The following SWAP70 variants were observed in gnomAD, a reference collection of about 807,000 sequenced individuals.
The protein encoded by SWAP70 is switching B cell complex subunit SWAP70.
Under a neutral mutation model 80.2 loss-of-function variants are expected in SWAP70, and 34 were observed. That is an observed-to-expected ratio of 0.42 (90% confidence interval 0.32 to 0.56). The LOEUF (loss-of-function observed/expected upper bound fraction) is 0.56, where lower values mean the gene tolerates loss of function less well. Among genes scored for constraint, SWAP70 ranks in the 20% least tolerant of loss-of-function variants. The pLI, the probability that SWAP70 is intolerant of heterozygous loss-of-function variation, is 0.09. For synonymous variants in SWAP70, 239 were observed against 238.5 expected (o/e 1.00, Z -0.02); for missense variants, 578 against 690.7 (o/e 0.84, Z 1.83).
rs377411928 is a variant in SWAP70, at chr11:9,724,701, G to A, written c.458G>A (p.Gly153Asp). 1.1e-5 allele frequency: 18 copies of A among 1,613,962 alleles called. No homozygotes were observed. The highest frequency in any genetic ancestry group is 6.7e-5 in the Admixed American group (4 of 60,006). The change falls in exon 4 of 12, where the codon GGT (glycine) becomes GAT (aspartate). Residue 153 changes from glycine to aspartate, a missense_variant. By Grantham distance (94) the Gly-to-Asp change is moderately conservative. Transcript: ENST00000318950. ...AAGCTTACAGAAGCTATGGGAGGAG[G>A]TTGGCAGCAAGAACAATTTGAACAT... ...LKKLTEAMGG[G>D]WQQEQFEHYK...
intron 2 of SWAP70, 135 bp downstream of exon 2, chr11:9,694,421 A>G: frequency 2.9e-6 from 3 of 1,050,400 alleles, no homozygotes; most frequent in South Asian, 2.1e-5. Flanking sequence ...AAAGGAAGAA[A>G]GAATGAGAGA....
rs868667935 is a variant in SWAP70, at chr11:9,706,284, T to C, written c.241-7182T>C. On this transcript the variant is annotated intron_variant, in intron 2 of 11. Transcript: ENST00000318950. ...TCTGTATACACTGGTGATCTGTGTA[T>C]ACTTGGTGATCTGTATACACTGGTG... is the stretch of plus-strand genomic sequence containing the variant. Among the ~76,000 whole-genome samples, 738 of 116,328 alleles carry C rather than the reference T, an allele frequency of 6.3e-3. 5 individuals are homozygous for C. Among genetic ancestry groups the C allele is most frequent in the African/African-American group, 0.027 (689 of 25,594 alleles). The allele number at this position is 116,328 out of a possible 152,430, so 76.3% of individuals were successfully genotyped here. A position where few individuals can be genotyped will look rare whatever the true frequency, so the allele number is the denominator to read the frequency against.
At chr11:9,673,840 CAGA>C (rs1044589849) in intron 1 of SWAP70, among the ~76,000 whole-genome samples, 3 of 152,032 alleles carry the variant, frequency 2.0e-5, no homozygotes, top group Non-Finnish European at 4.4e-5. Flanking sequence ...GAAAAAAGGG[CAGA>C]AGGTCAGAGA....
intron 1 of SWAP70, among the ~76,000 whole-genome samples, chr11:9,673,838 G>T (rs1850450647): frequency 6.6e-6 from 1 of 152,038 alleles, no homozygotes; most frequent in Non-Finnish European, 1.5e-5. Context: ...GCGAAAAAAG[G>T]GCAGAAGGTC....
Position 9,750,256 on chromosome 11 carries a change from ACT to A in SWAP70, c.*287_*288del. 1 of 223,070 alleles carries A rather than the reference ACT, an allele frequency of 4.5e-6. No individual in the cohort carries two copies. The highest frequency in any genetic ancestry group is 9.2e-6 in the Non-Finnish European group (1 of 108,338). 13.8% of individuals were successfully genotyped at this position (223,070 alleles called of 1,614,324 possible). On this transcript the variant is annotated 3_prime_UTR_variant, in exon 12 of 12. Coordinates refer to ENST00000318950, the MANE Select transcript of SWAP70 (RefSeq NM_015055.4). ...CTTGGGAGGCTGAGGCAGGAGAATCACTTGAACGTGGGAGGCGGAGGTTGCAG... is the reference window on the plus strand; with the variant it reads ...CTTGGGAGGCTGAGGCAGGAGAATCATGAACGTGGGAGGCGGAGGTTGCAG...
chr11:9,738,370 C>G, intron 8 of SWAP70, 50 bp downstream of exon 8: 2 of 1,446,300 alleles, frequency 1.4e-6, no homozygotes, highest in Non-Finnish European at 1.9e-6. Flanking sequence ...CAGCCTGGGT[C>G]GGTGGGAACA....
At chr11:9,681,554 T>G (rs1850568627) in intron 1 of SWAP70, among the ~76,000 whole-genome samples, 2 of 152,122 alleles carry the variant, frequency 1.3e-5, no homozygotes, top group Non-Finnish European at 2.9e-5. Context: ...GGTGAGAGGC[T>G]GGAGATTGGG....
At chr11:9,744,854 G>A (rs1564835968) in intron 9 of SWAP70, among the ~76,000 whole-genome samples, 1 of 152,048 alleles carries the variant, frequency 6.6e-6, no homozygotes, top group Non-Finnish European at 1.5e-5. Flanking sequence ...AGCTGAGATT[G>A]CACCACTGTA....
chr11:9,705,369 G>A (rs1422833795), intron 2 of SWAP70, among the ~76,000 whole-genome samples: 2 of 138,930 alleles, frequency 1.4e-5, no homozygotes, highest in Non-Finnish European at 3.0e-5. Flanking sequence ...TGTATACTTG[G>A]TGATCTGTAT....
At chr11:9,743,963 A>T (rs1024463950) in intron 9 of SWAP70, among the ~76,000 whole-genome samples, 13 of 92,390 alleles carry the variant, frequency 1.4e-4, no homozygotes, top group African/African-American at 6.3e-4. Context: ...TAGATCTTGT[A>T]ATTTTTTTTT....
chr11:9,734,140 A>G (rs1039971512), intron 7 of SWAP70, among the ~76,000 whole-genome samples: 1 of 152,276 alleles, frequency 6.6e-6, no homozygotes, highest in East Asian at 1.9e-4. Context: ...TTTGAGCATT[A>G]TGTCAGAGCT....
chr11:9,681,325 G>T (rs560958813), intron 1 of SWAP70: 13 of 152,326 alleles, frequency 8.5e-5, no homozygotes, highest in African/African-American at 3.1e-4. Context: ...GCATAGTGGA[G>T]AATTAGGATT....
intron 3 of SWAP70, among the ~76,000 whole-genome samples, chr11:9,714,714 A>G (rs1322069679): frequency 6.6e-6 from 1 of 152,102 alleles, no homozygotes; most frequent in Non-Finnish European, 1.5e-5. Context: ...GGCATGTTCT[A>G]AAAGGAGTGA....
chr11:9,711,246 G>A (rs1047632883), intron 2 of SWAP70, among the ~76,000 whole-genome samples: 1 of 152,106 alleles, frequency 6.6e-6, no homozygotes, highest in South Asian at 2.1e-4. Flanking sequence ...AAAATGAAGA[G>A]TGTGTCTGTT....
At chr11:9,746,752 A>G (rs902339035) in intron 9 of SWAP70, among the ~76,000 whole-genome samples, 1 of 152,246 alleles carries the variant, frequency 6.6e-6, no homozygotes, top group Non-Finnish European at 1.5e-5. Context: ...TCATCTTAGT[A>G]TAAGAAAAAA....
chr11:9,751,970 C>A lies in SWAP70; in HGVS notation c.*2000C>A, dbSNP rs360136. On this transcript the variant is annotated 3_prime_UTR_variant, in exon 12 of 12. Coordinates refer to ENST00000318950, the MANE Select transcript of SWAP70 (RefSeq NM_015055.4). ...TCAGTAGCTGGCAGGTGTATTAGAC[C>A]AACGAGACTTAGGTAAGGAATGGAA... 0.56 allele frequency: 85,094 copies of A among 151,988 alleles called. 24,091 individuals carry two copies. Among genetic ancestry groups the A allele is most frequent in the Middle Eastern group, 0.74 (219 of 294 alleles). 9.4% of individuals were successfully genotyped at this position (151,988 alleles called of 1,614,324 possible).
intron 1 of SWAP70, among the ~76,000 whole-genome samples, chr11:9,669,334 A>T (rs761687954): frequency 1.7e-4 from 26 of 152,212 alleles, no homozygotes; most frequent in Non-Finnish European, 2.8e-4. Flanking sequence ...GGTTCAAGAG[A>T]TTCTTCTGCT....
chr11:9,736,468 G>A (rs1247982525), intron 7 of SWAP70, among the ~76,000 whole-genome samples: 1 of 132,028 alleles, frequency 7.6e-6, no homozygotes, highest in Non-Finnish European at 1.5e-5. Context: ...ATAATGTGTG[G>A]TAGCAACTCT....
chr11:9,737,322 G>T (rs936864234), intron 7 of SWAP70, among the ~76,000 whole-genome samples: 1 of 152,146 alleles, frequency 6.6e-6, no homozygotes, highest in African/African-American at 2.4e-5. Context: ...GGTGGGGAGG[G>T]AGTGCATCAT....
Sources: gnomAD v4.1 joint callset for allele counts (sites outside exome capture counted in the v4.1 genomes callset) on GRCh38, gnomAD v4.1.1 for gene constraint, MANE v1.5 for transcripts, NCBI Gene and HGNC (gene_info 2026-07-23, HGNC 2026-07-21) for gene names.